Variants in C1QTNF2 observed in about 807,000 individuals in gnomAD.
The protein encoded by C1QTNF2 is C1q and TNF related 2.
A neutral mutation model predicts 17.4 loss-of-function variants in C1QTNF2; 15 were observed. The ratio of observed to expected loss-of-function variants is 0.86; its 90% CI spans 0.58 to 1.33. The LOEUF is 1.33. Ranked by LOEUF, C1QTNF2 falls within the 40% of genes most tolerant of loss-of-function variation. The probability of loss-of-function intolerance (pLI) is 0.00; values close to 1 mark genes in which losing one functional copy is unlikely to be tolerated. For missense variants in C1QTNF2, 381 were observed against 392.3 expected, an observed-to-expected ratio of 0.97 and a Z score of 0.24; for synonymous variants, 154 against 163.3, an observed-to-expected ratio of 0.94 and a Z score of 0.44.
At chr5:160,362,065 G>A (rs1312319781) in intron 1 of C1QTNF2, among the ~76,000 whole-genome samples, 8 of 152,198 alleles carry the variant, frequency 5.3e-5, no homozygotes, top group African/African-American at 1.9e-4. Context: ...GAATAACCTT[G>A]AATGAACTGG....
intron 1 of C1QTNF2, among the ~76,000 whole-genome samples, chr5:160,363,910 G>A (rs1230617175): frequency 6.6e-6 from 1 of 152,190 alleles, no homozygotes; most frequent in Non-Finnish European, 1.5e-5. Context: ...TCCCCATATC[G>A]CATCCTCAGG....
chr5:160,352,921 C>T (rs1365822119), intron 2 of C1QTNF2, among the ~76,000 whole-genome samples: 2 of 152,206 alleles, frequency 1.3e-5, no homozygotes, highest in African/African-American at 4.8e-5. Flanking sequence ...TATGTCTATG[C>T]TGAGACTGGT....
intron 2 of C1QTNF2, among the ~76,000 whole-genome samples, chr5:160,351,805 T>TG (rs1233495475): frequency 6.7e-6 from 1 of 149,062 alleles, no homozygotes; most frequent in Non-Finnish European, 1.5e-5. Context: ...ACAAAAAGAA[T>TG]GGGAAAAAAT....
rs149369936 is a variant in C1QTNF2, at chr5:160,367,179, A to C, written c.-10+3333T>G. On this transcript the variant is annotated intron_variant, in intron 1 of 2. Coordinates refer to ENST00000652664, the MANE Select transcript of C1QTNF2 (RefSeq NM_031908.6). The stretch of plus-strand genomic sequence containing the variant: ...AGTGGCCTCACACAGATCACAGACT[A>C]CTCTGTACTTTTTGTTTTGGGTTTT... Among the ~76,000 whole-genome samples the C allele has an allele frequency of 1.6e-3, 250 of 152,264 alleles. 1 individual carries two copies. Among genetic ancestry groups the C allele is most frequent in the African/African-American group, 5.8e-3 (240 of 41,552 alleles).
chr5:160,368,282 C>G (rs1361791275), intron 1 of C1QTNF2, among the ~76,000 whole-genome samples: 2 of 152,052 alleles, frequency 1.3e-5, no homozygotes, highest in African/African-American at 4.8e-5. Flanking sequence ...GCCTGTAATC[C>G]CAGCGCTTTG....
At chr5:160,366,781 T>C (rs141723662) in intron 1 of C1QTNF2, among the ~76,000 whole-genome samples, 263 of 152,222 alleles carry the variant, frequency 1.7e-3, no homozygotes, top group African/African-American at 6.1e-3. Context: ...CCCAGCACTT[T>C]TGGAGGCCAA....
intron 1 of C1QTNF2, among the ~76,000 whole-genome samples, chr5:160,363,327 C>G (rs1764187923): frequency 6.6e-6 from 1 of 152,236 alleles, no homozygotes; most frequent in Non-Finnish European, 1.5e-5. Flanking sequence ...GAAATGTCCC[C>G]TCTCTCCAGA....
At chr5:160,353,233 GC>G (rs1480993996) in intron 2 of C1QTNF2, among the ~76,000 whole-genome samples, 2 of 152,120 alleles carry the variant, frequency 1.3e-5, no homozygotes, top group African/African-American at 2.4e-5. Flanking sequence ...ATATTAAAAT[GC>G]CATACAAATA....
At chr5:160,355,835 C>T (rs1460551637) in intron 1 of C1QTNF2, among the ~76,000 whole-genome samples, 1 of 152,082 alleles carries the variant, frequency 6.6e-6, no homozygotes, top group Non-Finnish European at 1.5e-5. Flanking sequence ...CATCACCTAT[C>T]GTTAGTGTAT....
chr5:160,359,192 C>T (rs138610498), intron 1 of C1QTNF2, among the ~76,000 whole-genome samples: 2 of 152,170 alleles, frequency 1.3e-5, no homozygotes, highest in African/African-American at 4.8e-5. Context: ...AAGTTATTTA[C>T]CCAGAGTCAC....
chr5:160,370,582 CT>C lies in C1QTNF2; in HGVS notation c.-81del. On this transcript the variant is annotated 5_prime_UTR_variant, in exon 1 of 3. Transcript: ENST00000652664. ...CTCTCGGCGGGGCTCCGCGTCCCGG[CT>C]TTCCTCAGCGGCAGCAGCCGGGCAG... 6.9e-7 allele frequency: 1 copy of C among 1,452,768 alleles called. No homozygotes were observed. 90.0% of individuals were successfully genotyped at this position (1,452,768 alleles called of 1,614,324 possible). A position where few individuals can be genotyped will look rare whatever the true frequency, so the allele number is the denominator to read the frequency against.
At chr5:160,352,000 T>G (rs543371772) in intron 2 of C1QTNF2, among the ~76,000 whole-genome samples, 3 of 151,432 alleles carry the variant, frequency 2.0e-5, no homozygotes, top group Admixed American at 2.0e-4. Context: ...AACCTCAAAC[T>G]CTTGGGCTTG....
intron 1 of C1QTNF2, among the ~76,000 whole-genome samples, chr5:160,361,993 C>T (rs577136883): frequency 8.0e-4 from 122 of 152,368 alleles, no homozygotes; most frequent in African/African-American, 2.8e-3. Flanking sequence ...ATGTTGCTCT[C>T]AGCTGGGCTG....
chr5:160,365,314 A>G (rs567298790), intron 1 of C1QTNF2, among the ~76,000 whole-genome samples: 1 of 152,366 alleles, frequency 6.6e-6, no homozygotes, highest in East Asian at 1.9e-4. Flanking sequence ...TGAAGGGGAC[A>G]GGGAGAAAAG....
intron 1 of C1QTNF2, among the ~76,000 whole-genome samples, chr5:160,363,961 G>C (rs954522248): frequency 6.6e-6 from 1 of 152,206 alleles, no homozygotes; most frequent in Admixed American, 6.5e-5. Flanking sequence ...GGGGGAGTGG[G>C]TGTGAGCAGC....
Position 160,348,174 on chromosome 5 carries a change from G to A in C1QTNF2, c.*994C>T, listed in dbSNP as rs558480757. ...TCCATTCCTGCCATCTCAGAGCAGC[G>A]GTTCTCAGATGCACGTGCATATCCT... On this transcript the variant is annotated 3_prime_UTR_variant, in exon 3 of 3. Transcript: ENST00000652664. The A allele has an allele frequency of 6.6e-6, 1 of 152,174 alleles. No individual in the cohort carries two copies. Among genetic ancestry groups the A allele is most frequent in the Non-Finnish European group, 1.5e-5 (1 of 68,054 alleles). The allele number at this position is 152,174 out of a possible 1,614,324, so 9.4% of individuals were successfully genotyped here. A position where few individuals can be genotyped will look rare whatever the true frequency, so the allele number is the denominator to read the frequency against.
At chr5:160,367,623 G>A (rs1764270336) in intron 1 of C1QTNF2, among the ~76,000 whole-genome samples, 1 of 152,186 alleles carries the variant, frequency 6.6e-6, no homozygotes, top group Admixed American at 6.5e-5. Flanking sequence ...AACCAACACT[G>A]CAGATACCTT....
chr5:160,362,042 A>G (rs1764164342), intron 1 of C1QTNF2, among the ~76,000 whole-genome samples: 1 of 152,234 alleles, frequency 6.6e-6, no homozygotes, highest in Admixed American at 6.5e-5. Flanking sequence ...TAAGTGCTCA[A>G]CACGCAGCTG....
rs1763844961 is a variant in C1QTNF2 at position 160,348,542 on chromosome 5, A to G, written c.*626T>C. On this transcript the variant is annotated 3_prime_UTR_variant, in exon 3 of 3. Transcript: ENST00000652664. ...ATTTCCTTCTTTGGAACTCAGCTCA[A>G]AAATGGAAATTTTCCAGGTACTGAC... 6.6e-6 allele frequency: 1 copy of G among 152,282 alleles called. No homozygotes were observed. The highest frequency in any genetic ancestry group is 2.4e-5 in the African/African-American group (1 of 41,466). 9.4% of individuals were successfully genotyped at this position (152,282 alleles called of 1,614,324 possible). A position where few individuals can be genotyped will look rare whatever the true frequency, so the allele number is the denominator to read the frequency against.
Sources: allele counts gnomAD v4.1 joint callset (sites outside exome capture counted in the v4.1 genomes callset), GRCh38; gene constraint gnomAD v4.1.1; transcripts MANE v1.5; gene names NCBI Gene and HGNC (gene_info 2026-07-23, HGNC 2026-07-21).